SH2D4B: variants seen among roughly 807,000 people sequenced by gnomAD.
SH2D4B encodes SH2 domain containing 4B.
Under a neutral mutation model 61.5 loss-of-function variants are expected in SH2D4B, and 45 were observed. The ratio of observed to expected loss-of-function variants is 0.73; its 90% CI spans 0.58 to 0.94. The LOEUF (loss-of-function observed/expected upper bound fraction) is 0.94. SH2D4B is among the 40% of genes least tolerant of loss of function. The probability of loss-of-function intolerance (pLI) is 0.00; values close to 1 mark genes in which losing one functional copy is unlikely to be tolerated. For synonymous variants in SH2D4B, 224 were observed against 220.4 expected, an observed-to-expected ratio of 1.02 and a Z score of -0.14; for missense variants, 572 against 574.2, an observed-to-expected ratio of 1.00 and a Z score of 0.04.
At chr10:80,631,704 C>T (rs1842836208) in intron 6 of SH2D4B, among the ~76,000 whole-genome samples, 1 of 152,120 alleles carries the variant, frequency 6.6e-6, no homozygotes, top group African/African-American at 2.4e-5. Context: ...AAGTCAGGCA[C>T]AGAAAGACAA....
chr10:80,563,536 T>C (rs1436660367), intron 1 of SH2D4B, among the ~76,000 whole-genome samples: 2 of 152,224 alleles, frequency 1.3e-5, no homozygotes, highest in Non-Finnish European at 2.9e-5. Flanking sequence ...ATCAATGCCA[T>C]TTTACCCTGT....
intron 1 of SH2D4B, among the ~76,000 whole-genome samples, chr10:80,545,253 G>A (rs953580986): frequency 1.3e-5 from 2 of 151,952 alleles, no homozygotes; most frequent in East Asian, 3.9e-4. Context: ...TCACTCCCTA[G>A]CCCCTCCTGT....
chr10:80,585,909 T>C (rs7072046), intron 3 of SH2D4B, among the ~76,000 whole-genome samples: 39,005 of 151,404 alleles, frequency 0.26, 5,665 homozygotes, highest in African/African-American at 0.39. Context: ...GGGCTGCACG[T>C]GGCGCTTGCG....
intron 6 of SH2D4B, among the ~76,000 whole-genome samples, chr10:80,621,194 C>T (rs1041983788): frequency 1.3e-5 from 2 of 152,206 alleles, no homozygotes; most frequent in East Asian, 3.8e-4. Flanking sequence ...ATTTGATTAT[C>T]ATAACTGGGA....
chr10:80,596,182 C>T (rs538506382), intron 4 of SH2D4B, among the ~76,000 whole-genome samples: 12 of 152,360 alleles, frequency 7.9e-5, no homozygotes, highest in African/African-American at 2.2e-4. Flanking sequence ...CAGGGGCATA[C>T]GCTCAGGAGA....
chr10:80,573,803 A>G (rs1554876823), intron 3 of SH2D4B, among the ~76,000 whole-genome samples: 2 of 147,480 alleles, frequency 1.4e-5, no homozygotes, highest in Non-Finnish European at 3.0e-5. Flanking sequence ...AATCTCACCC[A>G]TTTTTTTTTC....
rs967584518 is a variant in SH2D4B, at chr10:80,644,496, C to T, written c.*411C>T. On this transcript the variant is annotated 3_prime_UTR_variant, in exon 8 of 8. Transcript: ENST00000646907. Reference sequence around the variant, plus strand: ...TGCATGTCTTCTAAAAGTTTTCCAACACAAATTAGCAGTGGTTTCTTGTAA... The same window carrying T: ...TGCATGTCTTCTAAAAGTTTTCCAATACAAATTAGCAGTGGTTTCTTGTAA... 6 of 156,928 alleles carry T rather than the reference C, an allele frequency of 3.8e-5. No individual in the cohort carries two copies. Among genetic ancestry groups the T allele is most frequent in the Non-Finnish European group, 8.4e-5 (6 of 71,434 alleles). The allele number at this position is 156,928 out of a possible 1,614,324, so 9.7% of individuals were successfully genotyped here. A position where few individuals can be genotyped will look rare whatever the true frequency, so the allele number is the denominator to read the frequency against.
Position 80,614,662 on chromosome 10 carries a change from A to G in SH2D4B, c.988+5111A>G, listed in dbSNP as rs1029765214. Among the ~76,000 whole-genome samples, 5 of 152,232 alleles carry G rather than the reference A, an allele frequency of 3.3e-5. No individual in the cohort carries two copies. In the South Asian group the frequency reaches 8.3e-4, roughly 25 times the overall value. The stretch of plus-strand genomic sequence containing the variant: ...CAGAATGGGGAGTGAGGGCCTTTAC[A>G]CCCTCTGCTCCTGACCTCTGCCATG... On this transcript the variant is annotated intron_variant, in intron 6 of 7. Transcript: ENST00000646907.
chr10:80,603,084 G>C (rs1442429179), intron 4 of SH2D4B, among the ~76,000 whole-genome samples: 2 of 152,126 alleles, frequency 1.3e-5, no homozygotes, highest in Admixed American at 1.3e-4. Context: ...ATGCAGGGAA[G>C]GCACCAAGCC....
At chr10:80,595,840 G>A (rs1044879699) in intron 4 of SH2D4B, among the ~76,000 whole-genome samples, 4 of 152,126 alleles carry the variant, frequency 2.6e-5, no homozygotes, top group African/African-American at 9.7e-5. Flanking sequence ...TATGGGAGAT[G>A]GAAAATGATT....
At chr10:80,643,179 C>T (rs986089737) in intron 7 of SH2D4B, 2 of 150,460 alleles carry the variant, frequency 1.3e-5, no homozygotes, top group South Asian at 2.1e-4. Context: ...TTCAGTTCTT[C>T]TACTGAAATT....
chr10:80,610,218 C>G (rs1381731734), intron 6 of SH2D4B, among the ~76,000 whole-genome samples: 1 of 152,160 alleles, frequency 6.6e-6, no homozygotes, highest in Non-Finnish European at 1.5e-5. Flanking sequence ...AAAGGCCTTT[C>G]CTGAACTCCT....
chr10:80,588,807 G>A, intron 4 of SH2D4B, 30 bp downstream of exon 4: 1 of 1,611,818 alleles, frequency 6.2e-7, no homozygotes, highest in Non-Finnish European at 8.5e-7. Context: ...CAGGCAGGGA[G>A]ACCAGTCCCG....
intron 1 of SH2D4B, among the ~76,000 whole-genome samples, chr10:80,552,894 TCTCTCTCTCTCTCTTG>T (rs1284810267): frequency 2.0e-5 from 3 of 151,458 alleles, no homozygotes; most frequent in Non-Finnish European, 4.4e-5. Flanking sequence ...TTTCTTTCTC[TCTCTCTCTCTCTCTTG>T]CTCTCTCTCT....
chr10:80,565,887 A>G (rs1033944921), intron 1 of SH2D4B, among the ~76,000 whole-genome samples: 23 of 151,792 alleles, frequency 1.5e-4, no homozygotes, highest in African/African-American at 5.1e-4. Flanking sequence ...TCAGGAGATC[A>G]AGACCATCCT....
In SH2D4B at chr10:80,570,499, C is replaced by T. The variant is rs376308437; in HGVS notation, c.347+183C>T. On this transcript the variant is annotated intron_variant, in intron 2 of 7. Coordinates refer to ENST00000646907, the MANE Select transcript of SH2D4B (RefSeq NM_001388272.1). Reference sequence around the variant, plus strand: ...CCTCCCAAAGTGTTGGGATTATAGGCGTGAGCCACCACACCCAGCCTTAAT... The same window carrying T: ...CCTCCCAAAGTGTTGGGATTATAGGTGTGAGCCACCACACCCAGCCTTAAT... Among the ~76,000 whole-genome samples, 16 of 152,280 alleles carry T rather than the reference C, an allele frequency of 1.1e-4. No individual in the cohort carries two copies. In the East Asian group the frequency reaches 2.1e-3, roughly 20 times the overall value.
rs150076297 is a variant in SH2D4B at position 80,636,025 on chromosome 10, A to G, written c.1209+1520A>G. ...CAAGTGTTCTCATTGTTCACTTCCC[A>G]CCTATGAGTGAGAACATGCGGTGTT... is the stretch of plus-strand genomic sequence containing the variant. On this transcript the variant is annotated intron_variant, in intron 7 of 7. Coordinates refer to ENST00000646907, the MANE Select transcript of SH2D4B (RefSeq NM_001388272.1). Among the ~76,000 whole-genome samples, 15 of 152,178 alleles carry G rather than the reference A, an allele frequency of 9.9e-5. No individual in the cohort carries two copies. In the East Asian group the frequency reaches 1.9e-3, roughly 20 times the overall value.
chr10:80,636,764 C>A (rs754908874), intron 7 of SH2D4B, among the ~76,000 whole-genome samples: 11 of 152,192 alleles, frequency 7.2e-5, no homozygotes, highest in East Asian at 5.8e-4. Flanking sequence ...ATGGTAGTTT[C>A]TTTTGCTGTG....
At chr10:80,608,276 A>G (rs962248245) in intron 5 of SH2D4B, among the ~76,000 whole-genome samples, 1 of 152,164 alleles carries the variant, frequency 6.6e-6, no homozygotes, top group African/African-American at 2.4e-5. Flanking sequence ...GGAATGGGTG[A>G]GGGACTGAAG....
Sources: allele counts gnomAD v4.1 joint callset (sites outside exome capture counted in the v4.1 genomes callset), GRCh38; gene constraint gnomAD v4.1.1; transcripts MANE v1.5; gene names NCBI Gene and HGNC (gene_info 2026-07-23, HGNC 2026-07-21).